PDE7B: variants seen among roughly 807,000 people sequenced by gnomAD.
PDE7B encodes phosphodiesterase 7B.
Under a neutral mutation model 56.2 loss-of-function variants are expected in PDE7B, and 29 were observed. The ratio of observed to expected loss-of-function variants is 0.52; its 90% CI spans 0.38 to 0.70. PDE7B has a LOEUF of 0.70. Ranked by LOEUF, PDE7B falls within the 30% of genes least tolerant of loss-of-function variation. PDE7B has a pLI of 0.00. For synonymous variants in PDE7B, 197 were observed against 196.9 expected (o/e 1.00, Z 0.00); for missense variants, 490 against 565.0 (o/e 0.87, Z 1.35).
At chr6:135,926,125 CGCCCAGGCT>C (rs981433891) in intron 1 of PDE7B, among the ~76,000 whole-genome samples, 26 of 128,764 alleles carry the variant, frequency 2.0e-4, no homozygotes, top group Non-Finnish European at 2.1e-4. Flanking sequence ...TTCACTCTGT[CGCCCAGGCT>C]GCAGTGCAGT....
At position 136,146,978 on chromosome 6, in the gene PDE7B, C is replaced by CA. The variant is rs1778423555; in HGVS notation, c.167-367dup. 2.6e-5 allele frequency among the ~76,000 whole-genome samples: 4 copies of CA among 151,980 alleles called. No individual in the cohort carries two copies. In the South Asian group the frequency reaches 8.3e-4, roughly 31 times the overall value. ...GCAACATGGCAAAAACTTGTCTCCA[C>CA]AAAAAATATAAATATTAGCTAGGCA... is the stretch of plus-strand genomic sequence containing the variant. On this transcript the variant is annotated intron_variant, in intron 3 of 12. Transcript: ENST00000308191.
rs140548325 is a variant in PDE7B at position 136,142,488 on chromosome 6, G to T, written c.167-4863G>T. Among the ~76,000 whole-genome samples the T allele has an allele frequency of 4.4e-3, 665 of 152,278 alleles. 7 individuals are homozygous for T. Among genetic ancestry groups the T allele is most frequent in the African/African-American group, 0.015 (641 of 41,532 alleles). The stretch of plus-strand genomic sequence containing the variant: ...TATTAGGTCCTCTTGGTGCAGAGCT[G>T]AGTTCAGTTCCTGGATATCCTTGTT... On this transcript the variant is annotated intron_variant, in intron 3 of 12. Coordinates refer to ENST00000308191, the MANE Select transcript of PDE7B (RefSeq NM_018945.4).
chr6:135,880,234 G>A (rs61153900), intron 1 of PDE7B, among the ~76,000 whole-genome samples: 10 of 152,110 alleles, frequency 6.6e-5, no homozygotes, highest in African/African-American at 2.4e-4. Flanking sequence ...AAGGGAGAAA[G>A]CAGTGGACTA....
chr6:136,052,086 A>G (rs1220808917), intron 2 of PDE7B, among the ~76,000 whole-genome samples: 1 of 152,182 alleles, frequency 6.6e-6, no homozygotes, highest in South Asian at 2.1e-4. Context: ...TTCTTTGCAC[A>G]ATATCTACCT....
At chr6:136,036,617 A>G (rs1156234656) in intron 2 of PDE7B, among the ~76,000 whole-genome samples, 1 of 152,190 alleles carries the variant, frequency 6.6e-6, no homozygotes, top group East Asian at 1.9e-4. Flanking sequence ...AATGAAAATA[A>G]AACACACTCT....
At chr6:136,116,028 T>C (rs1362815792) in intron 3 of PDE7B, among the ~76,000 whole-genome samples, 14 of 152,186 alleles carry the variant, frequency 9.2e-5, no homozygotes, top group Admixed American at 9.2e-4. Flanking sequence ...TCTCATTACA[T>C]AGACAAGGAA....
Position 135,965,568 on chromosome 6 carries a change from A to T in PDE7B, c.82+18044A>T, listed in dbSNP as rs533755982. The stretch of plus-strand genomic sequence containing the variant: ...CCTCACAATCATGGCAGAAGGCAAA[A>T]GGCACATCTTACATGGTAGCAGGCA... On this transcript the variant is annotated intron_variant, in intron 2 of 12. Coordinates refer to ENST00000308191, the MANE Select transcript of PDE7B (RefSeq NM_018945.4). 3.3e-5 allele frequency among the ~76,000 whole-genome samples: 5 copies of T among 152,300 alleles called. No individual in the cohort carries two copies. The South Asian group carries it at 1.0e-3, about 32-fold the overall frequency.
At chr6:135,900,481 T>C (rs6570055) in intron 1 of PDE7B, among the ~76,000 whole-genome samples, 64,032 of 151,870 alleles carry the variant, frequency 0.42, 13,844 homozygotes, top group East Asian at 0.61. Flanking sequence ...ACCTTCATTA[T>C]TTCCAATGAT....
chr6:136,137,093 G>GA (rs969204187), intron 3 of PDE7B, among the ~76,000 whole-genome samples: 1 of 151,966 alleles, frequency 6.6e-6, no homozygotes, highest in African/African-American at 2.4e-5. Flanking sequence ...CAAGACATAT[G>GA]AAAAATCCTG....
chr6:136,105,524 A>T (rs564410525), intron 2 of PDE7B, among the ~76,000 whole-genome samples: 2 of 152,330 alleles, frequency 1.3e-5, no homozygotes, highest in Admixed American at 1.3e-4. Flanking sequence ...TGTTGGGTTG[A>T]TGATGTGAGA....
intron 3 of PDE7B, among the ~76,000 whole-genome samples, chr6:136,136,945 A>C (rs1012040128): frequency 6.6e-6 from 1 of 152,146 alleles, no homozygotes; most frequent in African/African-American, 2.4e-5. Context: ...AAGAGAATTT[A>C]TTCCAATTTA....
chr6:136,027,644 C>T (rs1008092729), intron 2 of PDE7B, among the ~76,000 whole-genome samples: 5 of 152,006 alleles, frequency 3.3e-5, no homozygotes, highest in Admixed American at 6.6e-5. Flanking sequence ...TATTTTGAGA[C>T]AGAGTCTTGC....
At chr6:135,934,810 T>G (rs1562444940) in intron 1 of PDE7B, among the ~76,000 whole-genome samples, 2 of 114,088 alleles carry the variant, frequency 1.8e-5, no homozygotes, top group South Asian at 2.3e-4. Flanking sequence ...TATATATTTA[T>G]TATATATATA....
chr6:136,181,533 C>T (rs566206888), intron 11 of PDE7B, among the ~76,000 whole-genome samples: 2 of 152,256 alleles, frequency 1.3e-5, no homozygotes, highest in Non-Finnish European at 2.9e-5. Context: ...TGACTTACTA[C>T]AGAAACAGGT....
At chr6:136,111,996 A>G (rs1372438219) in intron 3 of PDE7B, among the ~76,000 whole-genome samples, 1 of 152,162 alleles carries the variant, frequency 6.6e-6, no homozygotes, top group Non-Finnish European at 1.5e-5. Context: ...CCAGCTCTGC[A>G]TCCCTGCAGC....
At chr6:136,190,130 T>A (rs962526595) in intron 12 of PDE7B, among the ~76,000 whole-genome samples, 1 of 152,164 alleles carries the variant, frequency 6.6e-6, no homozygotes, top group Non-Finnish European at 1.5e-5. Flanking sequence ...TCTCATCTCT[T>A]TGAAGGTGAA....
chr6:135,954,187 C>T (rs896173290), intron 2 of PDE7B, among the ~76,000 whole-genome samples: 2 of 152,150 alleles, frequency 1.3e-5, no homozygotes, highest in Non-Finnish European at 2.9e-5. Flanking sequence ...CTGCAACACA[C>T]CCATACACGC....
chr6:136,023,696 C>A (rs1467330314), intron 2 of PDE7B, among the ~76,000 whole-genome samples: 6 of 152,126 alleles, frequency 3.9e-5, no homozygotes, highest in Non-Finnish European at 8.8e-5. Flanking sequence ...ATCACTCTTA[C>A]AGGAAACTTC....
chr6:135,899,241 GAAC>G (rs1775955628), intron 1 of PDE7B, among the ~76,000 whole-genome samples: 1 of 152,046 alleles, frequency 6.6e-6, no homozygotes, highest in Non-Finnish European at 1.5e-5. Context: ...AGCAGCATGA[GAAC>G]AGACTAATAC....
Sources: allele counts gnomAD v4.1 joint callset (sites outside exome capture counted in the v4.1 genomes callset), GRCh38; gene constraint gnomAD v4.1.1; transcripts MANE v1.5; gene names NCBI Gene and HGNC (gene_info 2026-07-23, HGNC 2026-07-21).